Variants in INPP4B observed in about 807,000 individuals in gnomAD.
INPP4B encodes the protein inositol polyphosphate 4-phosphatase type II.
In INPP4B, 55 loss-of-function variants were observed where a neutral mutation model predicts 122.5. That is an observed-to-expected ratio of 0.45 (90% confidence interval 0.36 to 0.56). INPP4B has a LOEUF of 0.56. Ranked by LOEUF, INPP4B falls within the 20% of genes least tolerant of loss-of-function variation. INPP4B has a pLI of 0.00. For missense variants in INPP4B, 1,000 were observed against 1,097.7 expected (o/e 0.91, Z 1.26); for synonymous variants, 403 against 388.7 (o/e 1.04, Z -0.43).
At chr4:142,512,719 A>G (rs1445759224) in intron 2 of INPP4B, among the ~76,000 whole-genome samples, 2 of 152,198 alleles carry the variant, frequency 1.3e-5, no homozygotes, top group East Asian at 3.9e-4. Flanking sequence ...CTACCTAAGC[A>G]GAGCCTCTAA....
intron 11 of INPP4B, among the ~76,000 whole-genome samples, chr4:142,248,148 C>T (rs1221712475): frequency 6.6e-6 from 1 of 151,986 alleles, no homozygotes; most frequent in African/African-American, 2.4e-5. Context: ...CACCCCCATC[C>T]CAAGATCAGG....
At chr4:142,074,229 T>C (rs1336468645) in intron 25 of INPP4B, among the ~76,000 whole-genome samples, 1 of 152,152 alleles carries the variant, frequency 6.6e-6, no homozygotes, top group African/African-American at 2.4e-5. Context: ...CCTTTCATAA[T>C]TTGCAATTAT....
In INPP4B at chr4:142,656,574, C is replaced by T. The variant is rs141494736; in HGVS notation, c.-191+69265G>A. 3.7e-4 allele frequency among the ~76,000 whole-genome samples: 56 copies of T among 152,234 alleles called. 1 individual carries two copies. The East Asian group carries it at 9.1e-3, about 25-fold the overall frequency. ...GGCTAGGATGCATGGCCTAAGGATC[C>T]CGCACAGCTGGCTGGCTGGTCCTAA... is the stretch of plus-strand genomic sequence containing the variant. On this transcript the variant is annotated intron_variant, in intron 2 of 25. Coordinates refer to ENST00000262992, the MANE Select transcript of INPP4B (RefSeq NM_001101669.3).
chr4:142,596,328 T>C (rs950253712), intron 2 of INPP4B, among the ~76,000 whole-genome samples: 1 of 152,168 alleles, frequency 6.6e-6, no homozygotes, highest in Non-Finnish European at 1.5e-5. Flanking sequence ...GTTTGGGACC[T>C]AGGCCTCCAG....
At position 142,028,781 on chromosome 4, in the gene INPP4B, C is replaced by CTT; in HGVS notation, c.2774_2775dup. ...TCCTGTTTATTAACATGTTGGTAAA[C>CTT]TTAGGTGTCAGCTTTTCCATAAGTC... On this transcript the variant is annotated 3_prime_UTR_variant, in exon 26 of 26. Coordinates refer to ENST00000262992, the MANE Select transcript of INPP4B (RefSeq NM_001101669.3). 1.2e-6 allele frequency: 2 copies of CTT among 1,608,658 alleles called. No homozygotes were observed. The highest frequency in any genetic ancestry group is 1.7e-6 in the Non-Finnish European group (2 of 1,178,288).
At chr4:142,594,859 G>A (rs1406492870) in intron 2 of INPP4B, among the ~76,000 whole-genome samples, 1 of 151,018 alleles carries the variant, frequency 6.6e-6, no homozygotes, top group East Asian at 2.0e-4. Flanking sequence ...GGAGGTTGAG[G>A]CAGGAGAACT....
At chr4:142,045,141 A>G (rs1750613891) in intron 25 of INPP4B, among the ~76,000 whole-genome samples, 1 of 152,152 alleles carries the variant, frequency 6.6e-6, no homozygotes, top group African/African-American at 2.4e-5. Flanking sequence ...TTAAAGCCCA[A>G]TGTTATGAAA....
In INPP4B at chr4:142,026,712, C is replaced by T. The variant is rs1348220467; in HGVS notation, c.*2070G>A. On this transcript the variant is annotated 3_prime_UTR_variant, in exon 26 of 26. Transcript: ENST00000262992. ...CAATTCCTGACCTCAGGTGATCTAT[C>T]CACCTTGGCTCCCAAAGTGCTGGGA... 1.3e-5 allele frequency: 2 copies of T among 152,130 alleles called. No homozygotes were observed. The highest frequency in any genetic ancestry group is 1.9e-4 in the East Asian group (1 of 5,192). 9.4% of individuals were successfully genotyped at this position (152,130 alleles called of 1,614,324 possible).
chr4:142,401,526 A>G (rs1180581842), intron 7 of INPP4B, among the ~76,000 whole-genome samples: 1 of 152,206 alleles, frequency 6.6e-6, no homozygotes, highest in Non-Finnish European at 1.5e-5. Context: ...ATAGAAAATT[A>G]TTTTGGTTAA....
chr4:142,753,343 T>C (rs764013276), intron 1 of INPP4B, among the ~76,000 whole-genome samples: 1 of 152,150 alleles, frequency 6.6e-6, no homozygotes, highest in Non-Finnish European at 1.5e-5. Context: ...ACACAATATT[T>C]AAATATATCC....
chr4:142,287,259 C>T (rs1238756910), intron 9 of INPP4B: 1 of 152,218 alleles, frequency 6.6e-6, no homozygotes, highest in Non-Finnish European at 1.5e-5. Context: ...TCATTCAGTA[C>T]CTTGAGGGAT....
At chr4:142,587,452 T>A (rs935293351) in intron 2 of INPP4B, among the ~76,000 whole-genome samples, 5 of 151,902 alleles carry the variant, frequency 3.3e-5, no homozygotes, top group African/African-American at 1.2e-4. Flanking sequence ...ATTAATAACC[T>A]TCTGAAAAAA....
chr4:142,843,879 T>C (rs571816240), intron 1 of INPP4B, among the ~76,000 whole-genome samples: 2 of 152,136 alleles, frequency 1.3e-5, no homozygotes, highest in South Asian at 2.1e-4. Context: ...ATAGTACTTA[T>C]ACTAGAAGAT....
At chr4:142,696,938 G>C (rs1029275148) in intron 2 of INPP4B, among the ~76,000 whole-genome samples, 3 of 152,122 alleles carry the variant, frequency 2.0e-5, no homozygotes, top group South Asian at 4.1e-4. Flanking sequence ...GTGCAGCCCC[G>C]CACACTCCAC....
At chr4:142,378,620 C>T (rs1792893543) in intron 7 of INPP4B, among the ~76,000 whole-genome samples, 1 of 152,172 alleles carries the variant, frequency 6.6e-6, no homozygotes, top group Non-Finnish European at 1.5e-5. Flanking sequence ...AAAAGATTCT[C>T]TCCTTAGAGA....
intron 11 of INPP4B, among the ~76,000 whole-genome samples, chr4:142,246,578 C>G (rs537938694): frequency 1.3e-5 from 2 of 152,098 alleles, no homozygotes; most frequent in Non-Finnish European, 1.5e-5. Context: ...GGAGTTCACT[C>G]AAGATTTGGC....
intron 2 of INPP4B, among the ~76,000 whole-genome samples, chr4:142,631,968 CA>C (rs993992155): frequency 3.3e-5 from 5 of 152,104 alleles, no homozygotes; most frequent in Admixed American, 3.3e-4. Flanking sequence ...TGTTACTTCC[CA>C]GACCCAAGGG....
chr4:142,634,420 T>C (rs1191195231), intron 2 of INPP4B, among the ~76,000 whole-genome samples: 1 of 152,052 alleles, frequency 6.6e-6, no homozygotes, highest in Non-Finnish European at 1.5e-5. Flanking sequence ...GGATCATAGA[T>C]GCAAAAAATA....
chr4:142,198,180 T>C (rs73850816), intron 14 of INPP4B, among the ~76,000 whole-genome samples: 3,142 of 152,178 alleles, frequency 0.021, 114 homozygotes, highest in African/African-American at 0.07. Context: ...ACCTATATTA[T>C]CCTAATCTTT....
Sources: allele counts gnomAD v4.1 joint callset (sites outside exome capture counted in the v4.1 genomes callset), GRCh38; gene constraint gnomAD v4.1.1; transcripts MANE v1.5; gene names NCBI Gene and HGNC (gene_info 2026-07-23, HGNC 2026-07-21).